CTNNA3: variants seen among roughly 807,000 people sequenced by gnomAD.
CTNNA3 encodes the protein catenin alpha-3.
A neutral mutation model predicts 95.7 loss-of-function variants in CTNNA3; 76 were observed. That is an observed-to-expected ratio of 0.79 (90% CI 0.66 to 0.96). The LOEUF is 0.96. Ranked by LOEUF, CTNNA3 falls within the 40% of genes least tolerant of loss-of-function variation. The pLI is 0.00. For missense variants in CTNNA3, 1,191 were observed against 1,089.8 expected, an observed-to-expected ratio of 1.09 and a Z score of -1.31; for synonymous variants, 431 against 374.4, an observed-to-expected ratio of 1.15 and a Z score of -1.74.
intron 5 of CTNNA3, among the ~76,000 whole-genome samples, chr10:67,239,586 G>T (rs947974279): frequency 1.3e-5 from 2 of 152,050 alleles, no homozygotes; most frequent in Non-Finnish European, 2.9e-5. Context: ...GTTTAGTTTG[G>T]AAAAATTCAT....
intron 13 of CTNNA3, among the ~76,000 whole-genome samples, chr10:66,164,445 C>A (rs1266055196): frequency 6.6e-6 from 1 of 151,812 alleles, no homozygotes. Context: ...TGGCCACAAT[C>A]ATTGATTCAG....
chr10:66,417,416 A>G (rs914212444), intron 11 of CTNNA3, among the ~76,000 whole-genome samples: 8 of 152,048 alleles, frequency 5.3e-5, no homozygotes, highest in African/African-American at 1.7e-4. Flanking sequence ...AAAGACTCCA[A>G]TGCAATAACT....
At chr10:65,968,806 C>T (rs943087416) in intron 16 of CTNNA3, among the ~76,000 whole-genome samples, 4 of 152,144 alleles carry the variant, frequency 2.6e-5, no homozygotes, top group Non-Finnish European at 5.9e-5. Flanking sequence ...AATTTGAGGA[C>T]AAGAAAGCTT....
chr10:67,622,381 G>A (rs1843876227), intron 2 of CTNNA3, among the ~76,000 whole-genome samples: 2 of 152,186 alleles, frequency 1.3e-5, no homozygotes, highest in Admixed American at 1.3e-4. Flanking sequence ...AGGAAAAGAT[G>A]AGCTGTGATT....
At chr10:67,097,575 AT>A (rs766267799) in intron 7 of CTNNA3, 7 of 1,610,510 alleles carry the variant, frequency 4.3e-6, no homozygotes. Flanking sequence ...TTCTCATGTC[AT>A]TTTTCCCCAG....
chr10:67,364,053 G>A (rs1381660412), intron 5 of CTNNA3, among the ~76,000 whole-genome samples: 1 of 152,166 alleles, frequency 6.6e-6, no homozygotes, highest in Non-Finnish European at 1.5e-5. Flanking sequence ...TATGCCTGAT[G>A]AACATCAATG....
At chr10:66,325,483 G>A (rs1433281217) in intron 12 of CTNNA3, among the ~76,000 whole-genome samples, 2 of 152,074 alleles carry the variant, frequency 1.3e-5, no homozygotes, top group African/African-American at 4.8e-5. Context: ...AGGCTCAAGG[G>A]ATCCTCCTGC....
intron 5 of CTNNA3, among the ~76,000 whole-genome samples, chr10:67,479,914 C>T (rs1848153177): frequency 6.6e-6 from 1 of 152,050 alleles, no homozygotes; most frequent in Non-Finnish European, 1.5e-5. Context: ...ACATTACTAC[C>T]AATCCCACAG....
At chr10:66,382,494 G>T (rs1019760443) in intron 11 of CTNNA3, among the ~76,000 whole-genome samples, 1 of 152,160 alleles carries the variant, frequency 6.6e-6, no homozygotes, top group Non-Finnish European at 1.5e-5. Flanking sequence ...CATCTCTTGG[G>T]CAGGGCACAG....
intron 5 of CTNNA3, among the ~76,000 whole-genome samples, chr10:67,271,681 TA>T (rs1357058424): frequency 6.6e-6 from 1 of 152,110 alleles, no homozygotes; most frequent in Non-Finnish European, 1.5e-5. Flanking sequence ...CACAACCACA[TA>T]GGATATAAAC....
At chr10:67,446,462 CT>C (rs566674541) in intron 5 of CTNNA3, among the ~76,000 whole-genome samples, 67 of 152,282 alleles carry the variant, frequency 4.4e-4, no homozygotes, top group Non-Finnish European at 7.9e-4. Flanking sequence ...GTGCTGACCA[CT>C]GTTCATAAGG....
At chr10:67,024,662 T>C (rs1488200806) in intron 7 of CTNNA3, among the ~76,000 whole-genome samples, 2 of 152,156 alleles carry the variant, frequency 1.3e-5, no homozygotes, top group Non-Finnish European at 2.9e-5. Flanking sequence ...AAAGTTACCT[T>C]AGAAAAATAG....
At chr10:66,889,861 G>A (rs1189569913) in intron 7 of CTNNA3, among the ~76,000 whole-genome samples, 2 of 150,846 alleles carry the variant, frequency 1.3e-5, no homozygotes, top group Non-Finnish European at 2.9e-5. Context: ...TGCAATATTG[G>A]CTCACTGCAG....
At chr10:66,089,441 C>A (rs915249673) in intron 14 of CTNNA3, among the ~76,000 whole-genome samples, 2 of 150,268 alleles carry the variant, frequency 1.3e-5, no homozygotes, top group African/African-American at 4.9e-5. Flanking sequence ...CTTCTATATA[C>A]TTTTGTTTAT....
At chr10:65,956,639 TTATATACCCAG>T (rs2077737492) in intron 17 of CTNNA3, among the ~76,000 whole-genome samples, 1 of 152,224 alleles carries the variant, frequency 6.6e-6, no homozygotes, top group Non-Finnish European at 1.5e-5. Context: ...CTTCATTTTG[TTATATACCCAG>T]TAGTCATCCA....
chr10:66,954,487 G>T (rs182669003), intron 7 of CTNNA3, among the ~76,000 whole-genome samples: 2 of 152,202 alleles, frequency 1.3e-5, no homozygotes, highest in African/African-American at 4.8e-5. Context: ...TGCACTACAC[G>T]GTCCCGCAAT....
chr10:66,355,572 T>G lies in CTNNA3; in HGVS notation c.1732+23580A>C, dbSNP rs190846300. ...TTATTTTTGCTATGGAATAGGAAAC[T>G]CTTTATTTTTGAATTTTTACACTGT... On this transcript the variant is annotated intron_variant, in intron 12 of 17. Transcript: ENST00000433211. Among the ~76,000 whole-genome samples, 919 of 152,128 alleles carry G rather than the reference T, an allele frequency of 6.0e-3. 9 individuals are homozygous for G. The highest frequency in any genetic ancestry group is 0.01 in the Non-Finnish European group (695 of 67,942).
At chr10:67,515,942 G>A (rs1313279403) in intron 5 of CTNNA3, among the ~76,000 whole-genome samples, 1 of 152,008 alleles carries the variant, frequency 6.6e-6, no homozygotes, top group Non-Finnish European at 1.5e-5. Flanking sequence ...AGATACACAT[G>A]TTCTTTATCT....
chr10:66,688,967 A>G (rs200361331), intron 9 of CTNNA3, among the ~76,000 whole-genome samples: 25,539 of 150,302 alleles, frequency 0.17, 2,655 homozygotes, highest in East Asian at 0.32. Context: ...CCATCTCAAA[A>G]AAAAAAAAAA....
Sources: gnomAD v4.1 joint callset for allele counts (sites outside exome capture counted in the v4.1 genomes callset) on GRCh38, gnomAD v4.1.1 for gene constraint, MANE v1.5 for transcripts, NCBI Gene and HGNC (gene_info 2026-07-23, HGNC 2026-07-21) for gene names.